AEBP2: variants seen among roughly 807,000 people sequenced by gnomAD.
AEBP2 encodes AE binding protein 2, also known as zinc finger protein AEBP2.
A neutral mutation model predicts 50.8 loss-of-function variants in AEBP2; 10 were observed. That is an observed-to-expected ratio of 0.20 (90% confidence interval 0.12 to 0.33). AEBP2 has a LOEUF of 0.33. AEBP2 is among the 10% of genes least tolerant of loss of function. The pLI, the probability that AEBP2 is intolerant of heterozygous loss-of-function variation, is 1.00. For synonymous variants in AEBP2, 296 were observed against 261.3 expected (o/e 1.13, Z -1.28); for missense variants, 570 against 688.0 (o/e 0.83, Z 1.92).
intron 5 of AEBP2, among the ~76,000 whole-genome samples, chr12:19,501,484 A>G (rs1313694554): frequency 6.6e-6 from 1 of 152,046 alleles, no homozygotes; most frequent in African/African-American, 2.4e-5. Context: ...AAACATGCAA[A>G]AAATTAGCCA....
chr12:19,466,426 G>T (rs140049108), intron 2 of AEBP2, among the ~76,000 whole-genome samples: 1 of 152,132 alleles, frequency 6.6e-6, no homozygotes, highest in Non-Finnish European at 1.5e-5. Context: ...ACTCCAGCCT[G>T]GATGACAGAG....
chr12:19,479,717 GTTTTTTTTTTTTTT>G (rs369410408), intron 3 of AEBP2, among the ~76,000 whole-genome samples: 355 of 22,388 alleles, frequency 0.016, 14 homozygotes, highest in Non-Finnish European at 0.027. Context: ...CTCTTTGTGG[GTTTTTTTTTTTTTT>G]TTTTTTTTTT....
chr12:19,462,459 T>G (rs1359493205), intron 1 of AEBP2, 51 bp from the exon 2 acceptor site: 7 of 1,414,482 alleles, frequency 4.9e-6, no homozygotes, highest in Admixed American at 2.0e-5. Context: ...AAGATCATAT[T>G]CATGTTAGTG....
intron 1 of AEBP2, among the ~76,000 whole-genome samples, chr12:19,443,283 T>G (rs914535516): frequency 4.6e-5 from 7 of 151,806 alleles, no homozygotes; most frequent in African/African-American, 1.7e-4. Context: ...TTAGTAGAGA[T>G]GCGATTTCAC....
rs74261534 is a variant in AEBP2, at chr12:19,439,666, GGGAGGA to G, written c.-17_-12del. 0.012 allele frequency: 16,747 copies of G among 1,455,952 alleles called. 106 individuals carry two copies. Among genetic ancestry groups the G allele is most frequent in the South Asian group, 0.014 (1,079 of 79,138 alleles). 90.2% of individuals were successfully genotyped at this position (1,455,952 alleles called of 1,614,324 possible). On this transcript the variant is annotated 5_prime_UTR_variant, in exon 1 of 8. Coordinates refer to ENST00000266508, the MANE Select transcript of AEBP2 (RefSeq NM_153207.5). Reference sequence around the variant, plus strand: ...GAGTCGAGAGAGGGAGGCGGCGGTGGGGAGGAGGAGGAGGAGGAGGAGCAGGCGCCG... The same window carrying G: ...GAGTCGAGAGAGGGAGGCGGCGGTGGGGAGGAGGAGGAGGAGCAGGCGCCG...
chr12:19,475,495 C>T (rs1025422760), intron 3 of AEBP2, among the ~76,000 whole-genome samples: 1 of 151,348 alleles, frequency 6.6e-6, no homozygotes, highest in Non-Finnish European at 1.5e-5. Flanking sequence ...TTTCTTTATC[C>T]ACTTATTGAT....
At chr12:19,414,034 C>T (rs1171179026) in intron 1 of AEBP2, among the ~76,000 whole-genome samples, 1 of 151,958 alleles carries the variant, frequency 6.6e-6, no homozygotes, top group Non-Finnish European at 1.5e-5. Flanking sequence ...GCTGAGATTA[C>T]AGGCGCCTGC....
Position 19,440,133 on chromosome 12 carries a change from C to CCAG in AEBP2, c.445_447dup (p.Ser149dup), listed in dbSNP as rs764841025. On this transcript the variant is annotated inframe_insertion, in exon 1 of 8. Transcript: ENST00000266508. ...ACCCGCTCGTTGAGCCCCGGCGCCG[C>CCAG]CAGCAGCAGCAGCGGGGATGGGGAC... is the stretch of plus-strand genomic sequence containing the variant. 25 of 1,504,488 alleles carry CCAG rather than the reference C, an allele frequency of 1.7e-5. No individual in the cohort carries two copies. Among genetic ancestry groups the CCAG allele is most frequent in the South Asian group, 3.7e-5 (3 of 81,092 alleles). 93.2% of individuals were successfully genotyped at this position (1,504,488 alleles called of 1,614,324 possible). A position where few individuals can be genotyped will look rare whatever the true frequency, so the allele number is the denominator to read the frequency against.
rs1008208425 is a variant in AEBP2, at chr12:19,518,444, T to C, written c.*327T>C. ...TGCTTGCTGCTTTAAGCTGCTTTTT[T>C]TTTTCTTTTCTTCCCTTTAGTGATT... On this transcript the variant is annotated 3_prime_UTR_variant, in exon 8 of 8. Transcript: ENST00000266508. The C allele has an allele frequency of 8.1e-7, 1 of 1,237,492 alleles. No individual in the cohort carries two copies. The highest frequency in any genetic ancestry group is 1.0e-6 in the Non-Finnish European group (1 of 988,794). 76.7% of individuals were successfully genotyped at this position (1,237,492 alleles called of 1,614,324 possible).
At chr12:19,492,190 A>G (rs1486070881) in intron 3 of AEBP2, among the ~76,000 whole-genome samples, 1 of 152,224 alleles carries the variant, frequency 6.6e-6, no homozygotes, top group Non-Finnish European at 1.5e-5. Context: ...TAAATGACTA[A>G]TGGAAAAGTC....
intron 5 of AEBP2, among the ~76,000 whole-genome samples, chr12:19,503,016 C>T (rs763934246): frequency 7.9e-5 from 12 of 152,066 alleles, no homozygotes; most frequent in Non-Finnish European, 1.5e-4. Context: ...AGTTTGAAGT[C>T]GGGTAAGGTG....
chr12:19,472,569 A>G (rs1184809805), intron 2 of AEBP2, among the ~76,000 whole-genome samples: 1 of 152,120 alleles, frequency 6.6e-6, no homozygotes, highest in Non-Finnish European at 1.5e-5. Context: ...TACTATATTC[A>G]CTTAATATTT....
At chr12:19,438,223 C>G (rs1231749687), upstream of AEBP2, among the ~76,000 whole-genome samples, 11 of 152,146 alleles carry the variant, frequency 7.2e-5, no homozygotes, top group Admixed American at 7.2e-4. Flanking sequence ...TGCTTGCTTT[C>G]AACAAGTTGA....
At chr12:19,417,448 C>T (rs1445706982) in intron 1 of AEBP2, among the ~76,000 whole-genome samples, 1 of 151,828 alleles carries the variant, frequency 6.6e-6, no homozygotes, top group Non-Finnish European at 1.5e-5. Context: ...ACTCTGTCAC[C>T]CAGGCTGGAG....
chr12:19,409,001 A>G (rs1456782689), intron 1 of AEBP2, among the ~76,000 whole-genome samples: 1 of 152,138 alleles, frequency 6.6e-6, no homozygotes, highest in Non-Finnish European at 1.5e-5. Flanking sequence ...TATTTTATGT[A>G]AATATAAGCA....
intron 1 of AEBP2, among the ~76,000 whole-genome samples, chr12:19,404,930 CTT>C (rs34351225): frequency 1.5e-3 from 141 of 95,704 alleles, no homozygotes; most frequent in East Asian, 2.5e-3. Flanking sequence ...CTTGGCTACT[CTT>C]TTTTTTTTTT....
chr12:19,471,414 G>A (rs568965847), intron 2 of AEBP2, among the ~76,000 whole-genome samples: 2 of 152,150 alleles, frequency 1.3e-5, no homozygotes, highest in African/African-American at 4.8e-5. Flanking sequence ...ACTGTGCCTG[G>A]TGAGTCTAGT....
intron 3 of AEBP2, among the ~76,000 whole-genome samples, chr12:19,482,081 C>T (rs11502625): frequency 0.16 from 24,102 of 152,034 alleles, 3,291 homozygotes; most frequent in African/African-American, 0.36. Flanking sequence ...TAGACTATTT[C>T]GGTGGAAAAG....
intron 1 of AEBP2, among the ~76,000 whole-genome samples, chr12:19,442,417 C>A (rs1235559738): frequency 1.3e-5 from 2 of 151,960 alleles, no homozygotes; most frequent in African/African-American, 4.8e-5. Flanking sequence ...CAAAAAAAAA[C>A]CAAGTGATAT....
Sources: allele counts gnomAD v4.1 joint callset (sites outside exome capture counted in the v4.1 genomes callset), GRCh38; gene constraint gnomAD v4.1.1; transcripts MANE v1.5; gene names NCBI Gene and HGNC (gene_info 2026-07-23, HGNC 2026-07-21).